Variants in SCAPER observed in about 807,000 individuals in gnomAD.
The protein encoded by SCAPER is S-phase cyclin A associated protein in the ER.
SCAPER carries 98 observed loss-of-function variants against 182.2 expected under a neutral mutation model. That is an observed-to-expected ratio of 0.54 (90% confidence interval 0.46 to 0.64). SCAPER has a LOEUF of 0.64. Ranked by LOEUF, SCAPER falls within the 30% of genes least tolerant of loss-of-function variation. The probability of loss-of-function intolerance (pLI) is 0.00; values close to 1 mark genes in which losing one functional copy is unlikely to be tolerated. For missense variants in SCAPER, 1,432 were observed against 1,690.0 expected, an observed-to-expected ratio of 0.85 and a Z score of 2.68; for synonymous variants, 605 against 564.6, an observed-to-expected ratio of 1.07 and a Z score of -1.01.
intron 24 of SCAPER, among the ~76,000 whole-genome samples, chr15:76,477,262 T>C (rs1428441774): frequency 6.6e-6 from 1 of 152,206 alleles, no homozygotes; most frequent in Non-Finnish European, 1.5e-5. Context: ...GAAAGTCTAG[T>C]GTGGGTATGG....
rs555449571 is a variant in SCAPER at position 76,601,919 on chromosome 15, C to T, written c.2711+19845G>A. Among the ~76,000 whole-genome samples, 4 of 121,072 alleles carry T rather than the reference C, an allele frequency of 3.3e-5. 1 individual carries two copies. In the South Asian group the frequency reaches 1.0e-3, roughly 31 times the overall value. The allele number at this position is 121,072 out of a possible 152,430, so 79.4% of individuals were successfully genotyped here. On this transcript the variant is annotated intron_variant, in intron 22 of 31. Transcript: ENST00000563290. ...ATGTAAAGCAAAATCTGCACATATT[C>T]AAGTCCTGCAGTCGGCCCCTTGGAA... is the stretch of plus-strand genomic sequence containing the variant.
Position 76,371,925 on chromosome 15 carries a change from A to T in SCAPER, c.3855+4237T>A, listed in dbSNP as rs539222658. Among the ~76,000 whole-genome samples the T allele has an allele frequency of 3.0e-4, 45 of 152,220 alleles. 1 individual carries two copies. In the South Asian group the frequency reaches 7.2e-3, roughly 25 times the overall value. On this transcript the variant is annotated intron_variant, in intron 29 of 31. Coordinates refer to ENST00000563290, the MANE Select transcript of SCAPER (RefSeq NM_020843.4). ...AAGAGCGAAACTCTGTCTCAAAAAA[A>T]AAATAAATAAATATTATGCTTAGAA...
In SCAPER at chr15:76,774,877, T is replaced by C. The variant is rs769460706; in HGVS notation, c.1013A>G (p.His338Arg). The C allele has an allele frequency of 1.8e-5, 29 of 1,611,036 alleles. No individual in the cohort carries two copies. Among genetic ancestry groups the C allele is most frequent in the Non-Finnish European group, 2.4e-5 (28 of 1,178,816 alleles). Reference sequence around the variant, plus strand: ...TACCTGGGTTTTTTCGGCAAGAGGATGGTCACAAGAGTGTAATGAGTCTTT... The same window carrying C: ...TACCTGGGTTTTTTCGGCAAGAGGACGGTCACAAGAGTGTAATGAGTCTTT... ...HPKDSLHSCDHPLAEKTQFTV... is the reference protein window; with the variant it reads ...HPKDSLHSCDRPLAEKTQFTV... Residue 338 changes from histidine to arginine, a missense_variant, in exon 9 of 32, where the codon CAT (histidine) becomes CGT (arginine). Physicochemically the swap from His to Arg is conservative, Grantham distance 29. Around this residue, in one of 5 missense-constraint regions of SCAPER, gnomAD observed 480 missense variants for 510.2 expected, o/e 0.94. Transcript: ENST00000563290.
chr15:76,783,248 C>T (rs1236211221), intron 8 of SCAPER, among the ~76,000 whole-genome samples: 3 of 152,130 alleles, frequency 2.0e-5, no homozygotes, highest in Non-Finnish European at 2.9e-5. Flanking sequence ...GAGAATACTA[C>T]AAACACCTCT....
chr15:76,820,505 C>T (rs2067451209), intron 5 of SCAPER, among the ~76,000 whole-genome samples: 1 of 148,926 alleles, frequency 6.7e-6, no homozygotes, highest in Non-Finnish European at 1.5e-5. Flanking sequence ...AACCAAACAC[C>T]ACGTGTTCTC....
At chr15:76,870,212 C>T (rs1053128095) in intron 2 of SCAPER, among the ~76,000 whole-genome samples, 1 of 152,028 alleles carries the variant, frequency 6.6e-6, no homozygotes, top group Non-Finnish European at 1.5e-5. Context: ...AGTTATAATA[C>T]TTTATTATGC....
chr15:76,652,367 C>CATATATATAT (rs1226261626), intron 21 of SCAPER, among the ~76,000 whole-genome samples: 15 of 23,856 alleles, frequency 6.3e-4, no homozygotes, highest in African/African-American at 1.8e-3. Context: ...CACACACACA[C>CATATATATAT]ACACATATAT....
At position 76,399,598 on chromosome 15, in the gene SCAPER, CATTGTTCAA is replaced by C. The variant is rs1248704963; in HGVS notation, c.3467+4917_3467+4925del. On this transcript the variant is annotated intron_variant, in intron 27 of 31. Transcript: ENST00000563290. ...ATTTTTACTTAAAGAAATGCAAGTTCATTGTTCAAAACTAAGCCTGGTACAAGTCATCAG... is the reference window on the plus strand; with the variant it reads ...ATTTTTACTTAAAGAAATGCAAGTTCAACTAAGCCTGGTACAAGTCATCAG... 3.9e-5 allele frequency among the ~76,000 whole-genome samples: 6 copies of C among 152,194 alleles called. No homozygotes were observed. The East Asian group carries it at 9.6e-4, about 24-fold the overall frequency.
At chr15:76,381,317 T>C (rs1247782125) in intron 28 of SCAPER, 61 bp downstream of exon 28, 2 of 1,383,408 alleles carry the variant, frequency 1.4e-6, no homozygotes, top group African/African-American at 2.9e-5. Context: ...TCTGACATCC[T>C]ATCTACACTA....
chr15:76,783,748 AT>A (rs1316810838), intron 8 of SCAPER, among the ~76,000 whole-genome samples: 2 of 152,178 alleles, frequency 1.3e-5, no homozygotes, highest in African/African-American at 4.8e-5. Context: ...AAATCAATAA[AT>A]GTAATCCATT....
chr15:76,700,619 T>C (rs1386625835), intron 20 of SCAPER, among the ~76,000 whole-genome samples: 2 of 152,260 alleles, frequency 1.3e-5, no homozygotes, highest in East Asian at 3.9e-4. Context: ...GATGGTCTGG[T>C]CTCTCAGTGG....
intron 29 of SCAPER, among the ~76,000 whole-genome samples, chr15:76,368,193 T>G (rs2041929772): frequency 6.6e-6 from 1 of 152,210 alleles, no homozygotes; most frequent in Admixed American, 6.5e-5. Context: ...CGAACTGGGA[T>G]GGGGCTAAGG....
At chr15:76,463,330 T>G (rs1004293129) in intron 25 of SCAPER, among the ~76,000 whole-genome samples, 11 of 152,120 alleles carry the variant, frequency 7.2e-5, no homozygotes, top group African/African-American at 2.7e-4. Context: ...CAGGCCTTGC[T>G]GCTGTAATGA....
At chr15:76,705,419 G>A (rs1368333527) in intron 18 of SCAPER, among the ~76,000 whole-genome samples, 2 of 148,266 alleles carry the variant, frequency 1.3e-5, no homozygotes, top group East Asian at 4.0e-4. Context: ...GAGGGGAGAG[G>A]GATATCATTA....
intron 4 of SCAPER, among the ~76,000 whole-genome samples, chr15:76,854,458 G>A (rs2071114212): frequency 6.6e-6 from 1 of 152,064 alleles, no homozygotes; most frequent in East Asian, 1.9e-4. Context: ...AGAAATCAGA[G>A]ATGACACAAA....
At chr15:76,874,530 AT>A (rs1313669194) in intron 2 of SCAPER, among the ~76,000 whole-genome samples, 2 of 152,202 alleles carry the variant, frequency 1.3e-5, no homozygotes, top group African/African-American at 4.8e-5. Context: ...AATGAAATGT[AT>A]ATATTCCTTG....
At chr15:76,709,292 C>A (rs549112797) in intron 17 of SCAPER, among the ~76,000 whole-genome samples, 2 of 152,114 alleles carry the variant, frequency 1.3e-5, no homozygotes, top group African/African-American at 4.8e-5. Flanking sequence ...CCACCATGCA[C>A]GCCCAGCTAA....
At chr15:76,371,502 T>C (rs1386225247) in intron 29 of SCAPER, among the ~76,000 whole-genome samples, 1 of 151,652 alleles carries the variant, frequency 6.6e-6, no homozygotes, top group Non-Finnish European at 1.5e-5. Context: ...GTGTTTGTAG[T>C]AGAGACGGGG....
chr15:76,614,167 G>A (rs1229617913), intron 22 of SCAPER, among the ~76,000 whole-genome samples: 1 of 152,112 alleles, frequency 6.6e-6, no homozygotes, highest in Non-Finnish European at 1.5e-5. Context: ...AATATCACAT[G>A]TTCTCATTTA....
Sources: allele counts gnomAD v4.1 joint callset (sites outside exome capture counted in the v4.1 genomes callset), GRCh38; gene constraint gnomAD v4.1.1; regional missense constraint gnomAD v4.1.1; transcripts MANE v1.5; gene names NCBI Gene and HGNC (gene_info 2026-07-23, HGNC 2026-07-21).